The following EHBP1 variants were observed in gnomAD, a reference collection of about 807,000 sequenced individuals.
EHBP1 encodes EH domain binding protein 1.
A neutral mutation model predicts 144.0 loss-of-function variants in EHBP1; 55 were observed. The observed-to-expected ratio is 0.38, with a 90% confidence interval of 0.31 to 0.48. The LOEUF is 0.48. Among genes scored for constraint, EHBP1 ranks in the 20% least tolerant of loss-of-function variants. The pLI is 0.98. For missense variants in EHBP1, 1,200 were observed against 1,364.2 expected (o/e 0.88, Z 1.90); for synonymous variants, 469 against 472.7 (o/e 0.99, Z 0.10).
At chr2:62,804,169 CAG>C (rs1412758922) in intron 5 of EHBP1, among the ~76,000 whole-genome samples, 1 of 152,120 alleles carries the variant, frequency 6.6e-6, no homozygotes, top group Admixed American at 6.6e-5. Flanking sequence ...ACAATTTTAT[CAG>C]AGTATGGGAT....
chr2:62,693,922 A>G (rs2033994004), intron 1 of EHBP1, among the ~76,000 whole-genome samples: 1 of 152,102 alleles, frequency 6.6e-6, no homozygotes, highest in East Asian at 1.9e-4. Flanking sequence ...AGATTTTAAA[A>G]TTTTGATGAA....
At chr2:62,731,615 G>A (rs1444395710) in intron 2 of EHBP1, among the ~76,000 whole-genome samples, 3 of 152,012 alleles carry the variant, frequency 2.0e-5, no homozygotes, top group Admixed American at 2.0e-4. Context: ...ATCATGAATG[G>A]CATTGGATTT....
intron 1 of EHBP1, among the ~76,000 whole-genome samples, chr2:62,681,342 A>ATG (rs2033513788): frequency 2.1e-5 from 2 of 96,998 alleles, no homozygotes. Context: ...GTGTGTGTGT[A>ATG]TATATATATA....
chr2:62,850,780 A>G (rs2048639606), intron 7 of EHBP1, among the ~76,000 whole-genome samples: 1 of 152,212 alleles, frequency 6.6e-6, no homozygotes, highest in South Asian at 2.1e-4. Context: ...TTTTTGTTAT[A>G]AATTTTCTTT....
At chr2:62,842,640 A>G (rs140734738) in intron 7 of EHBP1, among the ~76,000 whole-genome samples, 361 of 152,288 alleles carry the variant, frequency 2.4e-3, no homozygotes, top group African/African-American at 8.4e-3. Flanking sequence ...TTATGGTACT[A>G]CCATATACAA....
chr2:62,735,911 A>T (rs1351787912), intron 2 of EHBP1, among the ~76,000 whole-genome samples: 1 of 151,890 alleles, frequency 6.6e-6, no homozygotes, highest in African/African-American at 2.4e-5. Context: ...TAGGTAAGGT[A>T]TTTATTTCCT....
At chr2:63,042,282 T>C (rs2061692539) in intron 21 of EHBP1, among the ~76,000 whole-genome samples, 1 of 152,146 alleles carries the variant, frequency 6.6e-6, no homozygotes. Context: ...ACTTAATTTC[T>C]CAAATTAGCA....
At chr2:62,760,357 G>T (rs895049297) in intron 3 of EHBP1, among the ~76,000 whole-genome samples, 2 of 152,134 alleles carry the variant, frequency 1.3e-5, no homozygotes, top group African/African-American at 4.8e-5. Context: ...GCCAGAACTC[G>T]GTTAGACCTT....
intron 5 of EHBP1, among the ~76,000 whole-genome samples, chr2:62,815,274 T>C (rs1175653851): frequency 6.6e-6 from 1 of 152,208 alleles, no homozygotes; most frequent in East Asian, 1.9e-4. Context: ...ATAAACTCAC[T>C]GCATAGAAAC....
chr2:62,748,778 A>G (rs1183300434), intron 3 of EHBP1, among the ~76,000 whole-genome samples: 1 of 152,132 alleles, frequency 6.6e-6, no homozygotes, highest in Non-Finnish European at 1.5e-5. Context: ...AGAAAACTTT[A>G]TTAGTTTTAA....
intron 4 of EHBP1, among the ~76,000 whole-genome samples, chr2:62,764,661 G>A (rs528322507): frequency 3.9e-4 from 59 of 152,236 alleles, no homozygotes; most frequent in African/African-American, 1.2e-3. Flanking sequence ...GCTGAGGAGT[G>A]TGGAATTCTG....
chr2:63,005,241 G>A (rs2059990974), intron 19 of EHBP1, among the ~76,000 whole-genome samples: 1 of 152,042 alleles, frequency 6.6e-6, no homozygotes, highest in Non-Finnish European at 1.5e-5. Flanking sequence ...ATCTGAATTC[G>A]TTTTGCCCAT....
chr2:62,887,573 CAAA>C (rs1374767886), intron 10 of EHBP1, among the ~76,000 whole-genome samples: 1 of 53,148 alleles, frequency 1.9e-5, no homozygotes. Flanking sequence ...TAGGTCTCCA[CAAA>C]AAAAAAAAAA....
At chr2:62,839,908 A>G (rs2047655002) in intron 7 of EHBP1, among the ~76,000 whole-genome samples, 1 of 151,932 alleles carries the variant, frequency 6.6e-6, no homozygotes, top group African/African-American at 2.4e-5. Flanking sequence ...AAATGGCCAT[A>G]CTGCCCAAGG....
At chr2:62,960,667 C>G (rs2057955084) in intron 14 of EHBP1, among the ~76,000 whole-genome samples, 1 of 152,082 alleles carries the variant, frequency 6.6e-6, no homozygotes, top group South Asian at 2.1e-4. Context: ...TTTTTCATAT[C>G]CTCTGAGTGT....
rs73934300 is a variant in EHBP1 at position 62,883,043 on chromosome 2, T to C, written c.1185+8511T>C. ...ACACACATATACATACACACACACA[T>C]ATATATGTACTGTCTATACCATTAT... On this transcript the variant is annotated intron_variant, in intron 10 of 22. Coordinates refer to ENST00000431489, the MANE Select transcript of EHBP1 (RefSeq NM_001142616.3). Among the ~76,000 whole-genome samples the C allele has an allele frequency of 6.0e-3, 915 of 151,706 alleles. 11 individuals carry two copies. The highest frequency in any genetic ancestry group is 0.02 in the African/African-American group (848 of 41,474).
chr2:63,025,118 TA>T (rs2060919214), intron 19 of EHBP1, among the ~76,000 whole-genome samples: 1 of 152,266 alleles, frequency 6.6e-6, no homozygotes, highest in African/African-American at 2.4e-5. Context: ...TTATAGATGA[TA>T]AAAATGTTTT....
intron 5 of EHBP1, among the ~76,000 whole-genome samples, chr2:62,803,028 G>A (rs2044149713): frequency 6.6e-6 from 1 of 152,064 alleles, no homozygotes; most frequent in South Asian, 2.1e-4. Context: ...CCCAGCTATA[G>A]AGATCATACT....
intron 10 of EHBP1, among the ~76,000 whole-genome samples, chr2:62,932,904 G>C (rs532823110): frequency 2.1e-5 from 3 of 145,538 alleles, no homozygotes; most frequent in Non-Finnish European, 4.5e-5. Context: ...CAGTGAGCCA[G>C]TCATGCCACT....
Sources: allele counts gnomAD v4.1 joint callset (sites outside exome capture counted in the v4.1 genomes callset), GRCh38; gene constraint gnomAD v4.1.1; transcripts MANE v1.5; gene names NCBI Gene and HGNC (gene_info 2026-07-23, HGNC 2026-07-21).